The following BTBD9 variants were observed in gnomAD, a reference collection of about 807,000 sequenced individuals.
BTBD9 encodes the protein BTB/POZ domain-containing protein 9.
BTBD9 carries 49 observed loss-of-function variants against 64.3 expected under a neutral mutation model. That is an observed-to-expected ratio of 0.76 (90% CI 0.61 to 0.97). The LOEUF (loss-of-function observed/expected upper bound fraction) is 0.97, where lower values mean the gene tolerates loss of function less well. BTBD9 is among the 50% of genes least tolerant of loss of function. The probability of loss-of-function intolerance (pLI) is 0.00; values close to 1 mark genes in which losing one functional copy is unlikely to be tolerated. For synonymous variants in BTBD9, 260 were observed against 274.7 expected (o/e 0.95, Z 0.53); for missense variants, 598 against 762.1 (o/e 0.78, Z 2.53).
rs116929499 is a variant in BTBD9, at chr6:38,604,710, A to T, written c.-27-6589T>A. On this transcript the variant is annotated intron_variant, in intron 1 of 10. Transcript: ENST00000481247. ...GCTAAATAGAATACTAAATGAACAG[A>T]ACTCAGAAAATTATCAGTTATATTC... Among the ~76,000 whole-genome samples the T allele has an allele frequency of 2.2e-3, 337 of 152,358 alleles. 6 individuals are homozygous for T. The East Asian group carries it at 0.037, about 17-fold the overall frequency.
intron 1 of BTBD9, among the ~76,000 whole-genome samples, chr6:38,633,267 G>A (rs958216904): frequency 6.6e-6 from 1 of 152,142 alleles, no homozygotes; most frequent in Non-Finnish European, 1.5e-5. Flanking sequence ...AAGAACACAG[G>A]CTGCAGAGTC....
intron 10 of BTBD9, 43 bp from the exon 11 acceptor site, chr6:38,175,225 A>T: frequency 1.2e-6 from 2 of 1,605,772 alleles, no homozygotes; most frequent in Non-Finnish European, 1.7e-6. Flanking sequence ...AAGGGTCAGC[A>T]TGCGGCCCTG....
chr6:38,302,487 A>G (rs530049114), intron 7 of BTBD9, among the ~76,000 whole-genome samples: 25 of 20,848 alleles, frequency 1.2e-3, no homozygotes, highest in African/African-American at 2.5e-3. Context: ...GTGTGTATGT[A>G]TATATATATA....
chr6:38,584,816 A>T (rs1188194729), intron 4 of BTBD9, among the ~76,000 whole-genome samples: 4 of 151,214 alleles, frequency 2.6e-5, no homozygotes, highest in African/African-American at 4.9e-5. Flanking sequence ...CCTTAACTTT[A>T]CCTCCCCCTT....
intron 6 of BTBD9, among the ~76,000 whole-genome samples, chr6:38,465,154 G>A (rs1209067453): frequency 1.3e-5 from 2 of 151,920 alleles, no homozygotes; most frequent in Admixed American, 6.6e-5. Flanking sequence ...AATTAGCTGG[G>A]TATGGTGGTG....
intron 6 of BTBD9, among the ~76,000 whole-genome samples, chr6:38,470,242 G>C (rs1424649593): frequency 6.6e-6 from 1 of 152,176 alleles, no homozygotes; most frequent in Non-Finnish European, 1.5e-5. Flanking sequence ...AAATAACCAC[G>C]GGAGGACAGA....
chr6:38,418,457 T>C (rs1334738762), intron 6 of BTBD9, among the ~76,000 whole-genome samples: 1 of 152,180 alleles, frequency 6.6e-6, no homozygotes, highest in Non-Finnish European at 1.5e-5. Context: ...GAAGAGAATG[T>C]ATGTGTGTAC....
chr6:38,424,683 A>G (rs1768066542), intron 6 of BTBD9, among the ~76,000 whole-genome samples: 1 of 151,078 alleles, frequency 6.6e-6, no homozygotes, highest in African/African-American at 2.5e-5. Flanking sequence ...CGCCGGGCTT[A>G]TTTTTGTATT....
rs1367034565 is a variant in BTBD9 at position 38,212,828 on chromosome 6, GTGGC to G, written c.1563-20235_1563-20232del. On this transcript the variant is annotated intron_variant, in intron 9 of 10. Transcript: ENST00000481247. ...GACGGCCTCCTCCTCCTGGCTCCGT[GTGGC>G]TGTCCAATACCACCCCCTTCTCCCC... is the stretch of plus-strand genomic sequence containing the variant. Among the ~76,000 whole-genome samples, 11 of 152,240 alleles carry G rather than the reference GTGGC, an allele frequency of 7.2e-5. No individual in the cohort carries two copies. In the East Asian group the frequency reaches 1.9e-3, roughly 27 times the overall value.
At position 38,175,054 on chromosome 6, in the gene BTBD9, C is replaced by T. The variant is rs201676004; in HGVS notation, c.1770G>A (p.Ala590=). 21 of 1,614,164 alleles carry T rather than the reference C, an allele frequency of 1.3e-5. No homozygotes were observed. Among genetic ancestry groups the T allele is most frequent in the South Asian group, 1.2e-4 (11 of 91,088 alleles). ...TGGAGGGTAGTGAGCTGCCACTAGG[C>T]GCCCGCAGCGCATGGGAGTCGAGCT... ...GQQLDSHALR[A]PSGSSLPSSP... is the part of the protein sequence containing the mutation. The change falls in exon 11 of 11, where the codon GCG becomes GCA. Residue 590 remains alanine (A), a synonymous_variant. Transcript: ENST00000481247.
intron 8 of BTBD9, among the ~76,000 whole-genome samples, chr6:38,266,557 G>C (rs1000124115): frequency 6.7e-6 from 1 of 148,404 alleles, no homozygotes; most frequent in Non-Finnish European, 1.5e-5. Context: ...TGGGCGACAA[G>C]AGCAAAACTC....
chr6:38,379,485 G>A lies in BTBD9; in HGVS notation c.1155-34392C>T, dbSNP rs76515880. On this transcript the variant is annotated intron_variant, in intron 6 of 10. Coordinates refer to ENST00000481247, the MANE Select transcript of BTBD9 (RefSeq NM_001099272.2). ...AAATGGAAGAGAAGAAATCAAAGAAGTATGAAATTCAATTTGGGAGACAGG... is the reference window on the plus strand; with the variant it reads ...AAATGGAAGAGAAGAAATCAAAGAAATATGAAATTCAATTTGGGAGACAGG... Among the ~76,000 whole-genome samples, 701 of 152,274 alleles carry A rather than the reference G, an allele frequency of 4.6e-3. 1 individual carries two copies. The highest frequency in any genetic ancestry group is 0.015 in the African/African-American group (644 of 41,560).
intron 6 of BTBD9, among the ~76,000 whole-genome samples, chr6:38,383,674 G>A (rs1161416277): frequency 2.0e-5 from 3 of 152,132 alleles, no homozygotes; most frequent in Non-Finnish European, 2.9e-5. Context: ...AGTAAATGGA[G>A]GAACACACCA....
intron 9 of BTBD9, among the ~76,000 whole-genome samples, chr6:38,223,914 T>C (rs1763300822): frequency 6.6e-6 from 1 of 152,174 alleles, no homozygotes; most frequent in African/African-American, 2.4e-5. Context: ...TAGAAATTCC[T>C]TAAAATAATG....
intron 6 of BTBD9, among the ~76,000 whole-genome samples, chr6:38,397,593 C>T (rs1412805389): frequency 1.3e-5 from 2 of 152,176 alleles, no homozygotes; most frequent in South Asian, 2.1e-4. Context: ...CATACTTCAG[C>T]GTGCTATTTG....
At chr6:38,299,542 C>G (rs867317180) in intron 7 of BTBD9, among the ~76,000 whole-genome samples, 2 of 152,232 alleles carry the variant, frequency 1.3e-5, no homozygotes, top group South Asian at 2.1e-4. Context: ...TTTTAATGAT[C>G]GCCATTCTAA....
chr6:38,397,726 C>T (rs1189513388), intron 6 of BTBD9, among the ~76,000 whole-genome samples: 1 of 151,776 alleles, frequency 6.6e-6, no homozygotes. Context: ...CAAACAAACA[C>T]ATTAAGAATA....
chr6:38,246,835 T>C (rs1764225302), intron 9 of BTBD9, among the ~76,000 whole-genome samples: 1 of 152,224 alleles, frequency 6.6e-6, no homozygotes, highest in African/African-American at 2.4e-5. Flanking sequence ...GCCCTGTCTG[T>C]TATTACCAAT....
At chr6:38,244,487 T>TA (rs936965834) in intron 9 of BTBD9, among the ~76,000 whole-genome samples, 5 of 152,080 alleles carry the variant, frequency 3.3e-5, no homozygotes, top group African/African-American at 1.2e-4. Flanking sequence ...CTTTTTTTTT[T>TA]AACCTTTTAC....
Sources: allele counts gnomAD v4.1 joint callset (sites outside exome capture counted in the v4.1 genomes callset), GRCh38; gene constraint gnomAD v4.1.1; transcripts MANE v1.5; gene names NCBI Gene and HGNC (gene_info 2026-07-23, HGNC 2026-07-21).